BPIFB3: variants seen among roughly 807,000 people sequenced by gnomAD.
The protein encoded by BPIFB3 is BPI fold-containing family B member 3.
In BPIFB3, 49 loss-of-function variants were observed where a neutral mutation model predicts 53.1. That is an observed-to-expected ratio of 0.92 (90% CI 0.73 to 1.17). BPIFB3 has a LOEUF of 1.17. Among genes scored for constraint, BPIFB3 ranks in the 50% most tolerant of loss-of-function variants. The pLI, the probability that BPIFB3 is intolerant of heterozygous loss-of-function variation, is 0.00. For synonymous variants in BPIFB3, 271 were observed against 269.6 expected (o/e 1.01, Z -0.05); for missense variants, 628 against 592.5 (o/e 1.06, Z -0.62).
At chr20:33,072,110 C>A (rs569157649) in exon 13 of BPIFB3, 8 of 1,614,150 alleles carry the variant, frequency 5.0e-6, no homozygotes, top group Admixed American at 1.7e-5. Flanking sequence ...GCAGGGATCG[C>A]GTTTAGAAGA....
At chr20:33,056,729 A>G (rs779058509) in intron 2 of BPIFB3, 31 bp downstream of exon 3, 1 of 1,526,012 alleles carries the variant, frequency 6.6e-7, no homozygotes, top group African/African-American at 1.4e-5. Flanking sequence ...GCCCTACAGG[A>G]AGACTTGGCT....
chr20:33,056,635 T>A (rs1232004853), exon 2 of BPIFB3: 1 of 1,613,082 alleles, frequency 6.2e-7, no homozygotes, highest in African/African-American at 1.3e-5. Context: ...TCAGGAGGGC[T>A]GCTTGGAGGA....
chr20:33,068,081 G>A (rs1980738039), intron 9 of BPIFB3, among the ~76,000 whole-genome samples: 2 of 152,244 alleles, frequency 1.3e-5, no homozygotes, highest in African/African-American at 2.4e-5. Context: ...AGCACCTACT[G>A]TGTAACAGGC....
At chr20:33,065,378 G>A (rs1980627332) in intron 8 of BPIFB3, among the ~76,000 whole-genome samples, 4 of 152,072 alleles carry the variant, frequency 2.6e-5, no homozygotes, top group Admixed American at 2.6e-4. Context: ...AGGCATGGTG[G>A]TGCATGCCTG....
chr20:33,064,611 G>C lies in BPIFB3; in HGVS notation c.745-55G>C, dbSNP rs1050655784. 22 of 1,613,074 alleles carry C rather than the reference G, an allele frequency of 1.4e-5. No homozygotes were observed. The East Asian group carries it at 4.0e-4, about 29-fold the overall frequency. On this transcript the variant is annotated intron_variant, in intron 7 of 14. Transcript: ENST00000375494. Reference sequence around the variant, plus strand: ...GGCTAGATAGGGGATGCCGGATCAAGGCAGGTGGGTGAGCACCTTAAGACC... The same window carrying C: ...GGCTAGATAGGGGATGCCGGATCAACGCAGGTGGGTGAGCACCTTAAGACC...
rs1337914865 is a variant in BPIFB3 at position 33,071,425 on chromosome 20, G to A, written c.1260+130G>A. On this transcript the variant is annotated intron_variant, in intron 12 of 14. Coordinates refer to ENST00000375494, the Ensembl canonical transcript of BPIFB3. The stretch of plus-strand genomic sequence containing the variant: ...CAGGACTGGGATCCTCCCCAATTAA[G>A]CCAGAGTGGGCAAATATCAGGGCGG... 4 of 1,048,930 alleles carry A rather than the reference G, an allele frequency of 3.8e-6. No individual in the cohort carries two copies. In the East Asian group the frequency reaches 1.0e-4, roughly 27 times the overall value. The allele number at this position is 1,048,930 out of a possible 1,614,324, so 65.0% of individuals were successfully genotyped here. A position where few individuals can be genotyped will look rare whatever the true frequency, so the allele number is the denominator to read the frequency against.
chr20:33,066,277 G>C (rs1352247333), intron 8 of BPIFB3, among the ~76,000 whole-genome samples: 1 of 152,146 alleles, frequency 6.6e-6, no homozygotes, highest in Non-Finnish European at 1.5e-5. Context: ...AAGGGGAGGG[G>C]GTGCAGGCTC....
chr20:33,067,881 T>C (rs1980731076), intron 9 of BPIFB3, among the ~76,000 whole-genome samples: 2 of 152,216 alleles, frequency 1.3e-5, no homozygotes, highest in South Asian at 2.1e-4. Flanking sequence ...TTCCTGGTCC[T>C]GATGATCCTG....
chr20:33,069,102 C>A, intron 10 of BPIFB3, 129 bp downstream of exon 11: 3 of 1,027,336 alleles, frequency 2.9e-6, no homozygotes, highest in Non-Finnish European at 4.1e-6. Context: ...GCACAGGAAG[C>A]CCCCCGCCCC....
chr20:33,062,964 CCTT>C lies in BPIFB3; in HGVS notation c.592-645_592-643del, dbSNP rs140804038. 2.2e-4 allele frequency among the ~76,000 whole-genome samples: 34 copies of C among 152,330 alleles called. No individual in the cohort carries two copies. The East Asian group carries it at 6.0e-3, about 27-fold the overall frequency. On this transcript the variant is annotated intron_variant, in intron 5 of 14. Transcript: ENST00000375494. The stretch of plus-strand genomic sequence containing the variant: ...TACAGCTGTGACCTTGGACAGGCCA[CCTT>C]CTTCTCTGGCCTCAGCTGGAGGATG...
intron 14 of BPIFB3, 138 bp from the exon 16 acceptor site, chr20:33,073,438 C>T: frequency 6.1e-6 from 5 of 816,460 alleles, no homozygotes; most frequent in Admixed American, 2.6e-5. Flanking sequence ...ATTTTTTCAT[C>T]ATTCATTTAT....
chr20:33,063,881 ATCAGTTCTC>A (rs1330719990), intron 6 of BPIFB3, among the ~76,000 whole-genome samples: 1 of 152,188 alleles, frequency 6.6e-6, no homozygotes, highest in African/African-American at 2.4e-5. Flanking sequence ...ACCCAGAACC[ATCAGTTCTC>A]TCTATGTTGG....
In BPIFB3 at chr20:33,064,584, G is replaced by T. The variant is rs190701891; in HGVS notation, c.744+36G>T. The T allele has an allele frequency of 2.7e-4, 430 of 1,612,832 alleles. 1 individual carries two copies. In the African/African-American group the frequency reaches 5.0e-3, roughly 19 times the overall value. ...AGAGGGGCCTCTCCTCCTGCTGGGG[G>T]TGGCTAGATAGGGGATGCCGGATCA... On this transcript the variant is annotated intron_variant, in intron 7 of 14. Transcript: ENST00000375494.
At chr20:33,071,447 G>A in intron 12 of BPIFB3, 152 bp downstream of exon 13, 5 of 854,376 alleles carry the variant, frequency 5.9e-6, no homozygotes, top group South Asian at 5.3e-5. Flanking sequence ...AAATATCAGG[G>A]CGGGTGTGCG....
At position 33,073,547 on chromosome 20, in the gene BPIFB3, G is replaced by A. The variant is rs184640330; in HGVS notation, c.1402-29G>A. 2.0e-4 allele frequency: 322 copies of A among 1,613,752 alleles called. 1 individual carries two copies. The highest frequency in any genetic ancestry group is 2.4e-4 in the Non-Finnish European group (286 of 1,179,806). ...GATGGGGCATTGCAGAGACTCAGGGGTGTAACCAAGAGCGGTTGTTCCTTA... is the reference window on the plus strand; with the variant it reads ...GATGGGGCATTGCAGAGACTCAGGGATGTAACCAAGAGCGGTTGTTCCTTA... On this transcript the variant is annotated intron_variant, in intron 14 of 14. Transcript: ENST00000375494.
At chr20:33,068,263 G>A (rs987466447) in intron 9 of BPIFB3, among the ~76,000 whole-genome samples, 17 of 152,366 alleles carry the variant, frequency 1.1e-4, no homozygotes, top group African/African-American at 3.8e-4. Context: ...ATGGAGTGGC[G>A]AAGCTGGCTT....
Position 33,061,841 on chromosome 20 carries a change from C to T in BPIFB3, c.591+10C>T, listed in dbSNP as rs75603797. The stretch of plus-strand genomic sequence containing the variant: ...GGTGCTTCCGGGACTGGTGAGTGTG[C>T]GGGCCGTGTGCCAGCATGCCCTCTC... On this transcript the variant is annotated intron_variant, in intron 5 of 14. Transcript: ENST00000375494. 744 of 1,613,966 alleles carry T rather than the reference C, an allele frequency of 4.6e-4. No individual in the cohort carries two copies. The highest frequency in any genetic ancestry group is 5.5e-4 in the Non-Finnish European group (649 of 1,179,862).
At chr20:33,061,786 C>A (rs542918946) in exon 5 of BPIFB3, 1 of 1,614,242 alleles carries the variant, frequency 6.2e-7, no homozygotes, top group East Asian at 2.2e-5. Context: ...CCACACCACT[C>A]TTTGGGGTCG....
chr20:33,069,450 G>C (rs1440217058), intron 10 of BPIFB3, among the ~76,000 whole-genome samples: 1 of 152,018 alleles, frequency 6.6e-6, no homozygotes, highest in South Asian at 2.1e-4. Context: ...TGCCTTGCCC[G>C]TCCTTGTCCC....
Sources: allele counts gnomAD v4.1 joint callset (sites outside exome capture counted in the v4.1 genomes callset), GRCh38; gene constraint gnomAD v4.1.1; transcripts MANE v1.5; gene names NCBI Gene and HGNC (gene_info 2026-07-23, HGNC 2026-07-21).